ATAD5: variants seen among roughly 807,000 people sequenced by gnomAD.
The protein encoded by ATAD5 is ATPase family AAA domain containing 5.
Under a neutral mutation model 176.9 loss-of-function variants are expected in ATAD5, and 58 were observed. That is an observed-to-expected ratio of 0.33 (90% CI 0.27 to 0.41). ATAD5 has a LOEUF of 0.41. ATAD5 is among the 10% of genes least tolerant of loss of function. The probability of loss-of-function intolerance (pLI) is 1.00; values close to 1 mark genes in which losing one functional copy is unlikely to be tolerated. For missense variants in ATAD5, 1,789 were observed against 2,094.1 expected (o/e 0.85, Z 2.84); for synonymous variants, 640 against 712.6 (o/e 0.90, Z 1.62).
At position 30,894,265 on chromosome 17, in the gene ATAD5, CATT is replaced by C. The variant is rs1909799690; in HGVS notation, c.5297+117_5297+119del. On this transcript the variant is annotated intron_variant, in intron 21 of 22. Transcript: ENST00000321990. Reference sequence around the variant, plus strand: ...ACTATTGATCATGGTAAGCCCTTAACATTAATAATGTAGCTTCTAATGAGATAG... The same window carrying C: ...ACTATTGATCATGGTAAGCCCTTAACAATAATGTAGCTTCTAATGAGATAG... The C allele has an allele frequency of 1.5e-5, 14 of 930,576 alleles. No individual in the cohort carries two copies. The South Asian group carries it at 2.8e-4, about 19-fold the overall frequency. 57.6% of individuals were successfully genotyped at this position (930,576 alleles called of 1,614,324 possible). A position where few individuals can be genotyped will look rare whatever the true frequency, so the allele number is the denominator to read the frequency against.
chr17:30,852,943 C>T (rs1005948812), intron 6 of ATAD5, among the ~76,000 whole-genome samples: 3 of 150,954 alleles, frequency 2.0e-5, no homozygotes, highest in African/African-American at 7.3e-5. Context: ...GGCTGGAGTG[C>T]AATGGCATGA....
intron 18 of ATAD5, 59 bp downstream of exon 18, chr17:30,879,546 A>G (rs1908888255): frequency 1.4e-6 from 2 of 1,430,910 alleles, no homozygotes; most frequent in Non-Finnish European, 1.9e-6. Context: ...AAAGTAGTTT[A>G]TTATTAAATA....
At position 30,834,537 on chromosome 17, in the gene ATAD5, G is replaced by A. The variant is rs1905585701; in HGVS notation, c.456G>A (p.Val152=). Residue 152 remains valine (V), a synonymous_variant, in exon 2 of 23, where the codon GTG becomes GTA. Transcript: ENST00000321990. ...KEDYSLNNDF[V]ESSTSVLRYK... The stretch of plus-strand genomic sequence containing the variant: ...ACTATAGTTTAAATAATGATTTTGT[G>A]GAAAGTAGTACTTCTGTTTTACGTT... 1.3e-6 allele frequency: 2 copies of A among 1,591,556 alleles called. No homozygotes were observed. Among genetic ancestry groups the A allele is most frequent in the East Asian group, 4.5e-5 (2 of 44,756 alleles).
At chr17:30,862,305 G>A (rs984927024) in intron 10 of ATAD5, among the ~76,000 whole-genome samples, 1 of 151,086 alleles carries the variant, frequency 6.6e-6, no homozygotes, top group Non-Finnish European at 1.5e-5. Context: ...CTGCACTCCA[G>A]CCCAGGAGAC....
chr17:30,848,799 T>C (rs1906692247), intron 6 of ATAD5, among the ~76,000 whole-genome samples: 1 of 152,234 alleles, frequency 6.6e-6, no homozygotes, highest in Admixed American at 6.5e-5. Flanking sequence ...CTTTTGTGTC[T>C]GGCTTCTTGT....
chr17:30,837,118 AC>A lies in ATAD5; in HGVS notation c.1968-86del, dbSNP rs1905793529. The A allele has an allele frequency of 8.0e-6, 6 of 746,844 alleles. No homozygotes were observed. In the Admixed American group the frequency reaches 2.1e-4, roughly 26 times the overall value. The allele number at this position is 746,844 out of a possible 1,614,324, so 46.3% of individuals were successfully genotyped here. A position where few individuals can be genotyped will look rare whatever the true frequency, so the allele number is the denominator to read the frequency against. ...TGGGATTACATGCAGATGCCACTGC[AC>A]CAGCTCTATTTTATCTATATTTAAT... On this transcript the variant is annotated intron_variant, in intron 2 of 22. Coordinates refer to ENST00000321990, the MANE Select transcript of ATAD5 (RefSeq NM_024857.5).
chr17:30,854,369 A>T (rs867518534), intron 6 of ATAD5, among the ~76,000 whole-genome samples: 1,943 of 120,982 alleles, frequency 0.016, 49 homozygotes, highest in African/African-American at 0.057. Context: ...ATTAATTTAA[A>T]TTTTTTTTTT....
chr17:30,866,167 A>G (rs1388602256), intron 11 of ATAD5, among the ~76,000 whole-genome samples: 1 of 140,046 alleles, frequency 7.1e-6, no homozygotes, highest in Non-Finnish European at 1.5e-5. Context: ...ACACCTTTAC[A>G]CTTAGTAGAA....
chr17:30,886,303 G>A (rs971583846), intron 18 of ATAD5, among the ~76,000 whole-genome samples: 2 of 149,818 alleles, frequency 1.3e-5, no homozygotes, highest in South Asian at 2.1e-4. Context: ...TTATTTTTTG[G>A]TATTTGATAT....
chr17:30,867,481 C>T (rs1908067462), intron 11 of ATAD5, among the ~76,000 whole-genome samples: 1 of 152,176 alleles, frequency 6.6e-6, no homozygotes, highest in Non-Finnish European at 1.5e-5. Context: ...GTTATTTGTC[C>T]AAAGTCACAC....
chr17:30,865,264 C>G lies in ATAD5; in HGVS notation c.3137-440C>G, dbSNP rs1907911932. Among the ~76,000 whole-genome samples the G allele has an allele frequency of 3.3e-5, 5 of 152,062 alleles. No homozygotes were observed. In the South Asian group the frequency reaches 1.0e-3, roughly 32 times the overall value. On this transcript the variant is annotated intron_variant, in intron 10 of 22. Coordinates refer to ENST00000321990, the MANE Select transcript of ATAD5 (RefSeq NM_024857.5). Reference sequence around the variant, plus strand: ...CTCCGCTCATTGCAAGCTCCGCCTCCCGGGTTCACACCATTCTCCTGCCTC... The same window carrying G: ...CTCCGCTCATTGCAAGCTCCGCCTCGCGGGTTCACACCATTCTCCTGCCTC...
chr17:30,842,935 G>T (rs1229343284), intron 4 of ATAD5, among the ~76,000 whole-genome samples: 1 of 151,988 alleles, frequency 6.6e-6, no homozygotes, highest in Non-Finnish European at 1.5e-5. Flanking sequence ...TAGAGACGGG[G>T]TTTCTCCATG....
intron 10 of ATAD5, among the ~76,000 whole-genome samples, chr17:30,865,465 CCTGG>C: frequency 6.6e-6 from 1 of 152,190 alleles, no homozygotes; most frequent in East Asian, 1.9e-4. Flanking sequence ...AACCACCGCG[CCTGG>C]CTAACACTTT....
At position 30,834,191 on chromosome 17, in the gene ATAD5, A is replaced by G; in HGVS notation, c.110A>G (p.Lys37Arg). The G allele has an allele frequency of 6.3e-7, 1 of 1,588,716 alleles. No homozygotes were observed. Among genetic ancestry groups the G allele is most frequent in the Non-Finnish European group, 8.5e-7 (1 of 1,172,210 alleles). The change falls in exon 2 of 23, where the codon AAA becomes AGA. Residue 37 changes from lysine (K) to arginine (R), a missense_variant. Lys to Arg is a conservative substitution (Grantham distance 26). Coordinates refer to ENST00000321990, the MANE Select transcript of ATAD5 (RefSeq NM_024857.5). ...RKKDDDTSTC[K>R]TITKYLSPLG... ...AAAGATGATGACACATCTACCTGCA[A>G]AACAATTACAAAATATTTATCACCA... is the stretch of plus-strand genomic sequence containing the variant.
chr17:30,844,085 G>A (rs755856330), intron 5 of ATAD5, 46 bp downstream of exon 5: 122 of 1,374,042 alleles, frequency 8.9e-5, no homozygotes, highest in Middle Eastern at 3.9e-4. Flanking sequence ...GAATGTTTTG[G>A]GGTTTTTGTT....
chr17:30,888,271 G>T (rs1415834035), intron 19 of ATAD5, among the ~76,000 whole-genome samples: 1 of 151,886 alleles, frequency 6.6e-6, no homozygotes, highest in East Asian at 1.9e-4. Context: ...AAACATTTTG[G>T]CCTGGCACAG....
chr17:30,878,718 G>GTTGTT (rs1908813667), intron 17 of ATAD5, among the ~76,000 whole-genome samples: 1 of 56,838 alleles, frequency 1.8e-5, no homozygotes, highest in Non-Finnish European at 3.2e-5. Context: ...GTTAGGTGGT[G>GTTGTT]TTTTTTTTTT....
intron 6 of ATAD5, among the ~76,000 whole-genome samples, chr17:30,850,887 T>A (rs1191862564): frequency 3.3e-4 from 20 of 60,652 alleles, no homozygotes; most frequent in South Asian, 1.9e-3. Flanking sequence ...TTTTTTTTTT[T>A]TTTTTTTTTT....
At chr17:30,854,969 G>A (rs1385996141) in intron 6 of ATAD5, among the ~76,000 whole-genome samples, 174 bp from the exon 7 acceptor site, 1 of 151,954 alleles carries the variant, frequency 6.6e-6, no homozygotes, top group Non-Finnish European at 1.5e-5. Context: ...ACGTTGACCA[G>A]GCTGGTCTGG....
Sources: gnomAD v4.1 joint callset for allele counts (sites outside exome capture counted in the v4.1 genomes callset) on GRCh38, gnomAD v4.1.1 for gene constraint, MANE v1.5 for transcripts, NCBI Gene and HGNC (gene_info 2026-07-23, HGNC 2026-07-21) for gene names.